The following ESRRG variants were observed in gnomAD, a reference collection of about 807,000 sequenced individuals.
ESRRG encodes the protein estrogen related receptor gamma.
ESRRG carries 13 observed loss-of-function variants against 44.0 expected under a neutral mutation model. That is an observed-to-expected ratio of 0.30 (90% CI 0.19 to 0.47). The LOEUF (loss-of-function observed/expected upper bound fraction) is 0.47, where lower values mean the gene tolerates loss of function less well. Among genes scored for constraint, ESRRG ranks in the 20% least tolerant of loss-of-function variants. The pLI, the probability that ESRRG is intolerant of heterozygous loss-of-function variation, is 1.00. For missense variants in ESRRG, 395 were observed against 580.6 expected (o/e 0.68, Z 3.29); for synonymous variants, 215 against 214.6 (o/e 1.00, Z -0.02).
At chr1:216,833,869 C>A (rs750669989) in intron 2 of ESRRG, among the ~76,000 whole-genome samples, 16 of 152,192 alleles carry the variant, frequency 1.1e-4, no homozygotes, top group African/African-American at 1.4e-4. Context: ...TATGTTGAGG[C>A]TGGCTCGAGG....
chr1:216,962,734 C>A lies in ESRRG; in HGVS notation c.-105-23061G>T, dbSNP rs145598126. 3.3e-3 allele frequency among the ~76,000 whole-genome samples: 495 copies of A among 152,230 alleles called. 3 individuals are homozygous for A. Among genetic ancestry groups the A allele is most frequent in the African/African-American group, 0.011 (471 of 41,538 alleles). ...CCATTGAAATCTAATCACTTTAAAGCTTTCTAAAAAGACACTGTATTTCAG... is the reference window on the plus strand; with the variant it reads ...CCATTGAAATCTAATCACTTTAAAGATTTCTAAAAAGACACTGTATTTCAG... On this transcript the variant is annotated intron_variant, in intron 1 of 7. Coordinates refer to the ESRRG transcript ENST00000359162.
At chr1:216,994,862 G>T (rs2076180597) in intron 1 of ESRRG, among the ~76,000 whole-genome samples, 1 of 152,146 alleles carries the variant, frequency 6.6e-6, no homozygotes, top group Non-Finnish European at 1.5e-5. Flanking sequence ...TGGGATTACA[G>T]GTGTGAGCCA....
intron 2 of ESRRG, among the ~76,000 whole-genome samples, chr1:216,926,253 GT>G (rs950817486): frequency 2.6e-5 from 4 of 152,120 alleles, no homozygotes; most frequent in Admixed American, 6.5e-5. Context: ...ATTTGGCCAG[GT>G]GCTCTAAGGG....
At chr1:216,511,076 A>T (rs2042587809) in intron 6 of ESRRG, among the ~76,000 whole-genome samples, 1 of 152,152 alleles carries the variant, frequency 6.6e-6, no homozygotes, top group Admixed American at 6.5e-5. Context: ...AGTATATAAC[A>T]TAAACCAACA....
intron 2 of ESRRG, among the ~76,000 whole-genome samples, chr1:216,780,994 CA>C (rs2093913226): frequency 6.6e-6 from 1 of 151,940 alleles, no homozygotes; most frequent in South Asian, 2.1e-4. Context: ...AGTATAATTT[CA>C]AAATAAATAA....
At chr1:216,878,663 C>T (rs893857163) in intron 2 of ESRRG, among the ~76,000 whole-genome samples, 10 of 152,088 alleles carry the variant, frequency 6.6e-5, no homozygotes, top group African/African-American at 2.4e-4. Context: ...CTGTCTTTTC[C>T]CCGTTAATTT....
At chr1:216,623,545 A>T (rs569264592) in intron 3 of ESRRG, among the ~76,000 whole-genome samples, 1 of 152,124 alleles carries the variant, frequency 6.6e-6, no homozygotes, top group African/African-American at 2.4e-5. Flanking sequence ...AAACTATACT[A>T]TTGAGGGACC....
At chr1:216,927,756 C>T (rs61818590) in intron 2 of ESRRG, among the ~76,000 whole-genome samples, 8,259 of 152,190 alleles carry the variant, frequency 0.054, 369 homozygotes, top group Non-Finnish European at 0.085. Flanking sequence ...GCTGGCACCG[C>T]GGGACGGGGC....
chr1:216,539,186 C>A, intron 5 of ESRRG, among the ~76,000 whole-genome samples: 1 of 137,492 alleles, frequency 7.3e-6, no homozygotes, highest in East Asian at 2.1e-4. Flanking sequence ...AAAAAGTCAA[C>A]CTGGAGATTT....
intron 2 of ESRRG, among the ~76,000 whole-genome samples, chr1:216,789,271 A>C (rs2094234827): frequency 6.6e-6 from 1 of 152,266 alleles, no homozygotes; most frequent in East Asian, 1.9e-4. Flanking sequence ...AGAAATTGTC[A>C]TAGCCACCCC....
chr1:216,754,067 T>G (rs919400307), intron 2 of ESRRG, among the ~76,000 whole-genome samples: 1 of 151,974 alleles, frequency 6.6e-6, no homozygotes, highest in African/African-American at 2.4e-5. Flanking sequence ...TTTACTGCCA[T>G]TTTTTTCTTC....
chr1:216,783,784 C>G (rs1353334147), intron 2 of ESRRG, among the ~76,000 whole-genome samples: 1 of 152,018 alleles, frequency 6.6e-6, no homozygotes, highest in African/African-American at 2.4e-5. Flanking sequence ...TCCCATAGGA[C>G]TCCTACTTAA....
At chr1:216,517,289 A>C (rs1036429512) in intron 6 of ESRRG, among the ~76,000 whole-genome samples, 2 of 152,184 alleles carry the variant, frequency 1.3e-5, no homozygotes, top group Non-Finnish European at 2.9e-5. Context: ...TTCCTCTCCC[A>C]GAAGTAGAAT....
chr1:216,926,184 G>A (rs902204585), intron 2 of ESRRG, among the ~76,000 whole-genome samples: 2 of 152,148 alleles, frequency 1.3e-5, no homozygotes, highest in Non-Finnish European at 2.9e-5. Context: ...CCAGGCCCCT[G>A]CCCTCGAGCT....
At chr1:216,823,763 A>T (rs552601503) in intron 2 of ESRRG, among the ~76,000 whole-genome samples, 1 of 152,290 alleles carries the variant, frequency 6.6e-6, no homozygotes, top group East Asian at 1.9e-4. Flanking sequence ...TCTTTACAAG[A>T]TGCAAGGCAT....
intron 1 of ESRRG, chr1:216,682,042 T>C (rs988501833): frequency 2.6e-5 from 4 of 152,244 alleles, no homozygotes; most frequent in Non-Finnish European, 5.9e-5. Flanking sequence ...ATAACAATAA[T>C]GTTCCATAGG....
intron 5 of ESRRG, among the ~76,000 whole-genome samples, chr1:216,541,621 T>C (rs922540047): frequency 6.7e-6 from 1 of 148,224 alleles, no homozygotes; most frequent in Non-Finnish European, 1.5e-5. Flanking sequence ...TGATCAGCTA[T>C]TCATACCCTG....
At chr1:216,767,826 C>T (rs2093160021) in intron 2 of ESRRG, among the ~76,000 whole-genome samples, 1 of 152,084 alleles carries the variant, frequency 6.6e-6, no homozygotes, top group Non-Finnish European at 1.5e-5. Flanking sequence ...AAAGTGTGGC[C>T]TATTAAGAAA....
At chr1:216,904,945 T>C (rs1334341623) in intron 2 of ESRRG, among the ~76,000 whole-genome samples, 1 of 152,178 alleles carries the variant, frequency 6.6e-6, no homozygotes, top group African/African-American at 2.4e-5. Flanking sequence ...CCAGTGCAGA[T>C]AGGGCAGCCT....
Sources: allele counts gnomAD v4.1 joint callset (sites outside exome capture counted in the v4.1 genomes callset), GRCh38; gene constraint gnomAD v4.1.1; transcripts MANE v1.5; gene names NCBI Gene and HGNC (gene_info 2026-07-23, HGNC 2026-07-21).